Variants in PIGB observed in about 807,000 individuals in gnomAD.
The protein encoded by PIGB is GPI alpha-1,2-mannosyltransferase 3.
PIGB carries 58 observed loss-of-function variants against 68.4 expected under a neutral mutation model. The observed-to-expected ratio is 0.85, with a 90% CI of 0.69 to 1.06. The LOEUF is 1.06. Ranked by LOEUF, PIGB falls within the 50% of genes least tolerant of loss-of-function variation. The pLI, the probability that PIGB is intolerant of heterozygous loss-of-function variation, is 0.00. For synonymous variants in PIGB, 219 were observed against 220.5 expected (o/e 0.99, Z 0.06); for missense variants, 634 against 655.8 (o/e 0.97, Z 0.36).
In PIGB at chr15:55,327,383, T is replaced by C. The variant is rs1421253620; in HGVS notation, c.418-148T>C. The C allele has an allele frequency of 5.1e-6, 3 of 592,140 alleles. No individual in the cohort carries two copies. The African/African-American group carries it at 5.7e-5, about 11-fold the overall frequency. 36.7% of individuals were successfully genotyped at this position (592,140 alleles called of 1,614,324 possible). A position where few individuals can be genotyped will look rare whatever the true frequency, so the allele number is the denominator to read the frequency against. ...GAAAAGGGGATGTAGGGATGTAGTT[T>C]TGTGGAAGAATAGAAAAATATATTG... On this transcript the variant is annotated intron_variant, in intron 3 of 11. Transcript: ENST00000164305.
intron 6 of PIGB, among the ~76,000 whole-genome samples, chr15:55,335,193 T>C (rs900984247): frequency 1.3e-5 from 2 of 152,214 alleles, no homozygotes; most frequent in African/African-American, 4.8e-5. Flanking sequence ...TCTATGATGT[T>C]TGCACAATGA....
chr15:55,319,754 G>C (rs928910908), intron 1 of PIGB: 1 of 208,320 alleles, frequency 4.8e-6, no homozygotes, highest in Non-Finnish European at 9.7e-6. Context: ...GCCTCAATTT[G>C]CTCGTCTGTA....
At position 55,355,431 on chromosome 15, in the gene PIGB, G is replaced by T; in HGVS notation, c.1664G>T (p.Ter555LeuextTer54). 2 of 1,604,556 alleles carry T rather than the reference G, an allele frequency of 1.2e-6. No homozygotes were observed. The highest frequency in any genetic ancestry group is 8.5e-7 in the Non-Finnish European group (1 of 1,175,888). ...AAATTCAACATGAAGATGAAATTCTGAACTTTCCTAGATAAATTAACATTG... is the reference window on the plus strand; with the variant it reads ...AAATTCAACATGAAGATGAAATTCTTAACTTTCCTAGATAAATTAACATTG... ...KGKFNMKMKF[*>L] Residue 555 changes from the stop codon to leucine, a stop_lost, in exon 12 of 12, where the codon TGA (stop) becomes TTA (leucine). Coordinates refer to ENST00000164305, the MANE Select transcript of PIGB (RefSeq NM_004855.5).
chr15:55,354,909 G>T lies in PIGB; in HGVS notation c.1449G>T (p.Trp483Cys). ...ADVFYLNPLNWLHREFHDDAS... is the reference protein window; with the variant it reads ...ADVFYLNPLNCLHREFHDDAS... ...TATTTTACCTAAATCCCTTAAACTG[G>T]TTACATAGAGAGTTTCATGATGATG... Residue 483 changes from tryptophan (W) to cysteine (C), a missense_variant, in exon 11 of 12, where the codon TGG becomes TGT. Coordinates refer to ENST00000164305, the MANE Select transcript of PIGB (RefSeq NM_004855.5). 6.2e-7 allele frequency: 1 copy of T among 1,613,338 alleles called. No individual in the cohort carries two copies. The highest frequency in any genetic ancestry group is 1.1e-5 in the South Asian group (1 of 90,950).
rs897503745 is a variant in PIGB, at chr15:55,319,598, C to T, written c.163+185C>T. On this transcript the variant is annotated intron_variant, in intron 1 of 11. Transcript: ENST00000164305. Reference sequence around the variant, plus strand: ...ATTTTTAAATGTTGGCAACTAAATTCAATTTTTTAAAAAATACTCTGTATT... The same window carrying T: ...ATTTTTAAATGTTGGCAACTAAATTTAATTTTTTAAAAAATACTCTGTATT... The T allele has an allele frequency of 4.1e-5, 22 of 542,416 alleles. No homozygotes were observed. The East Asian group carries it at 5.7e-4, about 14-fold the overall frequency. The allele number at this position is 542,416 out of a possible 1,614,324, so 33.6% of individuals were successfully genotyped here.
intron 3 of PIGB, among the ~76,000 whole-genome samples, chr15:55,322,145 G>T (rs919773896): frequency 5.3e-5 from 8 of 151,842 alleles, no homozygotes; most frequent in African/African-American, 1.9e-4. Context: ...TTGCATTCTA[G>T]CCTGGGCAAC....
At chr15:55,334,814 G>C (rs530282709) in intron 6 of PIGB, among the ~76,000 whole-genome samples, 11 of 152,192 alleles carry the variant, frequency 7.2e-5, no homozygotes, top group Non-Finnish European at 1.2e-4. Context: ...CCGCCTCCCA[G>C]GTTCAAGTGA....
chr15:55,333,976 G>C lies in PIGB; in HGVS notation c.763G>C (p.Asp255His), dbSNP rs1243578081. ...RHFCQEPRKLDLILHHFLPVG... is the reference protein window; with the variant it reads ...RHFCQEPRKLHLILHHFLPVG... Reference sequence around the variant, plus strand: ...TTTCTGTCAAGAACCAAGAAAGCTTGATCTTATTCTACATCATTTTTTACC... The same window carrying C: ...TTTCTGTCAAGAACCAAGAAAGCTTCATCTTATTCTACATCATTTTTTACC... The change falls in exon 6 of 12, where the codon GAT becomes CAT. Residue 255 changes from aspartate to histidine, a missense_variant. Coordinates refer to ENST00000164305, the MANE Select transcript of PIGB (RefSeq NM_004855.5). 8.1e-6 allele frequency: 13 copies of C among 1,604,364 alleles called. No individual in the cohort carries two copies. The South Asian group carries it at 1.1e-4, about 14-fold the overall frequency.
intron 6 of PIGB, among the ~76,000 whole-genome samples, chr15:55,337,452 A>G (rs1461452196): frequency 6.6e-6 from 1 of 152,146 alleles, no homozygotes; most frequent in Non-Finnish European, 1.5e-5. Context: ...TCACATTCTT[A>G]CAGAAGTGTG....
chr15:55,319,381 A>C lies in PIGB; in HGVS notation c.131A>C (p.Asn44Thr), dbSNP rs2055108720. ...AAGAGAAAGTCTACCTTGTACTTCA[A>C]CACCCAGGAGAAGAGCGCCAGGCGC... The part of the protein sequence containing the change: ...LRKRKSTLYF[N>T]TQEKSARRRG... Residue 44 changes from asparagine (N) to threonine (T), a missense_variant, in exon 1 of 12, where the codon AAC becomes ACC. Physicochemically the swap from Asn to Thr is moderately conservative, Grantham distance 65. Transcript: ENST00000164305. 6.4e-7 allele frequency: 1 copy of C among 1,553,636 alleles called. No individual in the cohort carries two copies. The highest frequency in any genetic ancestry group is 8.7e-7 in the Non-Finnish European group (1 of 1,147,922).
intron 1 of PIGB, chr15:55,319,726 A>C (rs977443183): frequency 2.3e-5 from 5 of 219,972 alleles, no homozygotes; most frequent in Non-Finnish European, 1.8e-5. Context: ...TATTTGGACA[A>C]GGCAGTTTAA....
intron 10 of PIGB, among the ~76,000 whole-genome samples, chr15:55,353,458 T>C (rs2055972194): frequency 6.6e-6 from 1 of 152,212 alleles, no homozygotes; most frequent in Non-Finnish European, 1.5e-5. Context: ...ACTAACTCCA[T>C]TTCTAACTGG....
intron 10 of PIGB, chr15:55,351,614 G>C (rs1301739526): frequency 6.6e-6 from 1 of 151,226 alleles, no homozygotes; most frequent in African/African-American, 2.4e-5. Context: ...GCTCACGCCT[G>C]TAATCCCAGT....
intron 9 of PIGB, among the ~76,000 whole-genome samples, chr15:55,344,469 A>G (rs1404122836): frequency 6.6e-6 from 1 of 152,260 alleles, no homozygotes; most frequent in African/African-American, 2.4e-5. Flanking sequence ...TTTTCATGAA[A>G]GCAAGTCACT....
chr15:55,334,328 G>T (rs905886033), intron 6 of PIGB, among the ~76,000 whole-genome samples: 1 of 152,054 alleles, frequency 6.6e-6, no homozygotes. Flanking sequence ...TTCATAATGT[G>T]TTTTCACATA....
In PIGB at chr15:55,319,411, G is replaced by A. The variant is rs764037754; in HGVS notation, c.161G>A (p.Gly54Glu). ...CAGGAGAAGAGCGCCAGGCGCCGCG[G>A]GGGTGAGTGAGGGGACACTGTCTGG... ...NTQEKSARRR[G>E]DLLGENIYLL... Residue 54 changes from glycine to glutamate, a missense_variant and splice_region_variant, in exon 1 of 12, where the codon GGG (glycine) becomes GAG (glutamate). Coordinates refer to ENST00000164305, the MANE Select transcript of PIGB (RefSeq NM_004855.5). 1.7e-5 allele frequency: 26 copies of A among 1,551,540 alleles called. No individual in the cohort carries two copies. The South Asian group carries it at 3.0e-4, about 18-fold the overall frequency.
rs546888117 is a variant in PIGB at position 55,352,726 on chromosome 15, C to T, written c.1337+1814C>T. Among the ~76,000 whole-genome samples the T allele has an allele frequency of 1.7e-4, 26 of 152,250 alleles. 1 individual carries two copies. In the South Asian group the frequency reaches 5.0e-3, roughly 29 times the overall value. On this transcript the variant is annotated intron_variant, in intron 10 of 11. Transcript: ENST00000164305. ...GAGCTGAGGTCATACCATTGCACTC[C>T]AACCTGGGCGACAGAGCGAGACTCA... is the stretch of plus-strand genomic sequence containing the variant.
intron 2 of PIGB, 28 bp from the exon 3 acceptor site, chr15:55,321,245 T>C: frequency 6.5e-7 from 1 of 1,536,444 alleles, no homozygotes; most frequent in Admixed American, 2.3e-5. Flanking sequence ...TTCAATATTA[T>C]TGGACATTTA....
intron 3 of PIGB, among the ~76,000 whole-genome samples, chr15:55,322,627 G>A (rs1409916140): frequency 1.3e-5 from 2 of 152,152 alleles, no homozygotes; most frequent in African/African-American, 4.8e-5. Context: ...GAAAGACACA[G>A]GTTCTAGGGT....
Sources: gnomAD v4.1 joint callset for allele counts (sites outside exome capture counted in the v4.1 genomes callset) on GRCh38, gnomAD v4.1.1 for gene constraint, MANE v1.5 for transcripts, NCBI Gene and HGNC (gene_info 2026-07-23, HGNC 2026-07-21) for gene names.